The following FILIP1 variants were observed in gnomAD, a reference collection of about 807,000 sequenced individuals.
FILIP1 encodes the protein filamin A interacting protein 1.
A neutral mutation model predicts 102.1 loss-of-function variants in FILIP1; 61 were observed. The observed-to-expected ratio is 0.60, with a 90% CI of 0.49 to 0.74. FILIP1 has a LOEUF of 0.74. FILIP1 is among the 30% of genes least tolerant of loss of function. FILIP1 has a pLI of 0.00. For missense variants in FILIP1, 1,314 were observed against 1,441.2 expected (o/e 0.91, Z 1.43); for synonymous variants, 491 against 526.9 (o/e 0.93, Z 0.93).
chr6:75,359,391 A>T (rs1030004560), intron 3 of FILIP1, among the ~76,000 whole-genome samples: 4 of 152,254 alleles, frequency 2.6e-5, no homozygotes, highest in African/African-American at 9.6e-5. Context: ...AGATAAAAGG[A>T]GATTTAGGCA....
At chr6:75,403,001 A>C (rs879927119) in intron 2 of FILIP1, among the ~76,000 whole-genome samples, 1 of 152,206 alleles carries the variant, frequency 6.6e-6, no homozygotes, top group Admixed American at 6.5e-5. Context: ...ATAATGAGGC[A>C]CGTGAAAGAT....
intron 1 of FILIP1, among the ~76,000 whole-genome samples, chr6:75,473,060 CAA>C (rs1259270693): frequency 2.6e-5 from 4 of 152,110 alleles, no homozygotes; most frequent in African/African-American, 9.7e-5. Flanking sequence ...TATGGTAGAG[CAA>C]AGACTTTTTC....
intron 3 of FILIP1, among the ~76,000 whole-genome samples, chr6:75,362,272 T>C (rs1429943609): frequency 2.0e-5 from 3 of 152,234 alleles, no homozygotes; most frequent in African/African-American, 7.2e-5. Flanking sequence ...ATTTTGCCTC[T>C]ATCACTGTAT....
At position 75,315,017 on chromosome 6, in the gene FILIP1, G is replaced by A; in HGVS notation, c.815C>T (p.Thr272Ile). ...GLQSQKVQDL[T>I]QKLREEEEKL... is the part of the protein sequence containing the mutation. Reference sequence around the variant, plus strand: ...CTCTTCTTCTTCCCTCAGCTTCTGAGTAAGATCCTGTACTTTCTGGCTTTG... The same window carrying A: ...CTCTTCTTCTTCCCTCAGCTTCTGAATAAGATCCTGTACTTTCTGGCTTTG... Residue 272 changes from threonine (T) to isoleucine (I), a missense_variant, in exon 5 of 6, where the codon ACT becomes ATT. Around this residue, in one of 3 missense-constraint regions of FILIP1, gnomAD observed 494 missense variants for 511.2 expected, o/e 0.97. Transcript: ENST00000237172. 2 of 1,614,036 alleles carry A rather than the reference G, an allele frequency of 1.2e-6. No homozygotes were observed. Among genetic ancestry groups the A allele is most frequent in the Non-Finnish European group, 1.7e-6 (2 of 1,180,004 alleles).
At chr6:75,346,956 C>G (rs1055167150) in intron 4 of FILIP1, among the ~76,000 whole-genome samples, 3 of 151,942 alleles carry the variant, frequency 2.0e-5, no homozygotes, top group African/African-American at 7.3e-5. Context: ...CTATTCCCAG[C>G]AATTTCCTTC....
At chr6:75,474,873 G>A (rs1277120164) in intron 1 of FILIP1, among the ~76,000 whole-genome samples, 1 of 151,996 alleles carries the variant, frequency 6.6e-6, no homozygotes, top group Non-Finnish European at 1.5e-5. Context: ...AATAGTGATG[G>A]AATTCTCATG....
intron 2 of FILIP1, among the ~76,000 whole-genome samples, chr6:75,401,392 T>C (rs1359818730): frequency 6.6e-6 from 1 of 152,168 alleles, no homozygotes; most frequent in African/African-American, 2.4e-5. Context: ...CCATAGATAT[T>C]TTCTAAGAGA....
In FILIP1 at chr6:75,414,882, T is replaced by C. The variant is rs757632388; in HGVS notation, c.91A>G (p.Ser31Gly). Reference protein sequence around the residue: ...PSIIGNAGEKSLSEDAKKKKK... With the variant: ...PSIIGNAGEKGLSEDAKKKKK... Reference sequence around the variant, plus strand: ...TTCTTTTTTGCATCTTCTGAGAGACTTTTTTCACCAGCATTGCCGATGATG... The same window carrying C: ...TTCTTTTTTGCATCTTCTGAGAGACCTTTTTCACCAGCATTGCCGATGATG... Residue 31 changes from serine to glycine, a missense_variant, in exon 2 of 6, where the codon AGT (serine) becomes GGT (glycine). Ser to Gly is a moderately conservative substitution (Grantham distance 56). Around this residue, in one of 3 missense-constraint regions of FILIP1, gnomAD observed 494 missense variants for 511.2 expected, o/e 0.97. Transcript: ENST00000237172. 1 of 1,613,868 alleles carries C rather than the reference T, an allele frequency of 6.2e-7. No individual in the cohort carries two copies.
intron 1 of FILIP1, among the ~76,000 whole-genome samples, chr6:75,421,393 G>A (rs1777458322): frequency 6.6e-6 from 1 of 152,096 alleles, no homozygotes; most frequent in Non-Finnish European, 1.5e-5. Context: ...GCTCCACAGG[G>A]CAACAGGGTA....
chr6:75,472,879 A>G (rs1779371015), intron 1 of FILIP1, among the ~76,000 whole-genome samples: 1 of 152,190 alleles, frequency 6.6e-6, no homozygotes, highest in African/African-American at 2.4e-5. Flanking sequence ...TGTCCTAAAT[A>G]TTACGTCTTC....
chr6:75,388,184 G>A (rs1419640917), intron 2 of FILIP1, among the ~76,000 whole-genome samples: 1 of 152,142 alleles, frequency 6.6e-6, no homozygotes, highest in Non-Finnish European at 1.5e-5. Context: ...TCAAAGATCA[G>A]GTGGTTGTAG....
intron 4 of FILIP1, among the ~76,000 whole-genome samples, chr6:75,352,393 G>A (rs1774838119): frequency 6.6e-6 from 1 of 152,090 alleles, no homozygotes; most frequent in African/African-American, 2.4e-5. Flanking sequence ...GCCTAGGGAA[G>A]AGAAGGCAGA....
chr6:75,382,259 C>T (rs905603783), intron 2 of FILIP1, among the ~76,000 whole-genome samples: 2 of 152,210 alleles, frequency 1.3e-5, no homozygotes, highest in African/African-American at 2.4e-5. Context: ...TTCTCTGACT[C>T]TCCAAGACCC....
intron 4 of FILIP1, among the ~76,000 whole-genome samples, chr6:75,344,796 T>C (rs1562482688): frequency 6.6e-6 from 1 of 151,964 alleles, no homozygotes; most frequent in Non-Finnish European, 1.5e-5. Context: ...AACTTAAGAG[T>C]TTCAGGGACT....
chr6:75,442,169 A>G (rs1194019169), intron 1 of FILIP1, among the ~76,000 whole-genome samples: 1 of 151,606 alleles, frequency 6.6e-6, no homozygotes, highest in Non-Finnish European at 1.5e-5. Context: ...GGCCGGGCAG[A>G]GACGCTCCTC....
At chr6:75,407,641 C>T (rs574694977) in intron 2 of FILIP1, among the ~76,000 whole-genome samples, 1 of 152,346 alleles carries the variant, frequency 6.6e-6, no homozygotes, top group East Asian at 1.9e-4. Context: ...TTGTCTCTGA[C>T]TTAGCCTGGA....
intron 1 of FILIP1, among the ~76,000 whole-genome samples, chr6:75,421,937 A>T (rs937753696): frequency 6.6e-6 from 1 of 152,130 alleles, no homozygotes; most frequent in Non-Finnish European, 1.5e-5. Flanking sequence ...TGACTTCAGG[A>T]TCTGTGATCT....
chr6:75,362,716 AG>A, intron 3 of FILIP1, 27 bp downstream of exon 3: 2 of 1,605,546 alleles, frequency 1.2e-6, no homozygotes, highest in South Asian at 2.2e-5. Context: ...GTTCCCATCC[AG>A]GGGACTTGTT....
intron 1 of FILIP1, among the ~76,000 whole-genome samples, chr6:75,424,847 C>T (rs1777579670): frequency 6.6e-6 from 1 of 152,128 alleles, no homozygotes; most frequent in African/African-American, 2.4e-5. Context: ...CAGATCACCC[C>T]ATCTGTGTGC....
Sources: gnomAD v4.1 joint callset for allele counts (sites outside exome capture counted in the v4.1 genomes callset) on GRCh38, gnomAD v4.1.1 for gene constraint, gnomAD v4.1.1 regional missense constraint, MANE v1.5 for transcripts, NCBI Gene and HGNC (gene_info 2026-07-23, HGNC 2026-07-21) for gene names.